MTMR11: variants seen among roughly 807,000 people sequenced by gnomAD.
MTMR11 encodes the protein myotubularin related protein 11, also known as myotubularin-related protein 11.
Under a neutral mutation model 100.0 loss-of-function variants are expected in MTMR11, and 89 were observed. That is an observed-to-expected ratio of 0.89 (90% CI 0.75 to 1.06). The LOEUF (loss-of-function observed/expected upper bound fraction) is 1.06. Among genes scored for constraint, MTMR11 ranks in the 50% least tolerant of loss-of-function variants. The probability of loss-of-function intolerance (pLI) is 0.00; values close to 1 mark genes in which losing one functional copy is unlikely to be tolerated. For synonymous variants in MTMR11, 336 were observed against 326.3 expected (o/e 1.03, Z -0.32); for missense variants, 809 against 873.7 (o/e 0.93, Z 0.93).
chr1:149,930,258 G>A, intron 15 of MTMR11, 107 bp downstream of exon 15: 1 of 1,187,030 alleles, frequency 8.4e-7, no homozygotes, highest in Admixed American at 2.2e-5. Context: ...GAGTAGTGGA[G>A]TAGCTTTCCC....
chr1:149,933,394 G>C lies in MTMR11; in HGVS notation c.985+12C>G, dbSNP rs1002669144. ...GTGAGGGTGAGGGTTAGGGGTCAAAGGTTATTCTCACCAGGCAGGCAGAGG... is the reference window on the plus strand; with the variant it reads ...GTGAGGGTGAGGGTTAGGGGTCAAACGTTATTCTCACCAGGCAGGCAGAGG... On this transcript the variant is annotated intron_variant, in intron 10 of 16. Coordinates refer to ENST00000439741, the MANE Select transcript of MTMR11 (RefSeq NM_001145862.2). 3.1e-6 allele frequency: 5 copies of C among 1,613,960 alleles called. No homozygotes were observed. Among genetic ancestry groups the C allele is most frequent in the South Asian group, 1.1e-5 (1 of 91,080 alleles).
chr1:149,936,324 T>G, intron 1 of MTMR11, 95 bp from the exon 2 acceptor site: 1 of 1,552,394 alleles, frequency 6.4e-7, no homozygotes, highest in East Asian at 2.3e-5. Flanking sequence ...ACTCACACTC[T>G]CGGGGGAAAC....
intron 12 of MTMR11, 72 bp downstream of exon 12, chr1:149,931,872 C>T (rs2092664784): frequency 1.4e-6 from 2 of 1,386,150 alleles, no homozygotes. Context: ...GGTCTCCCTC[C>T]CTGAATGCAA....
intron 13 of MTMR11, 115 bp from the exon 14 acceptor site, chr1:149,931,080 AT>A: frequency 7.4e-7 from 1 of 1,350,398 alleles, no homozygotes; most frequent in Non-Finnish European, 9.9e-7. Flanking sequence ...AAGTCAGGGA[AT>A]GAAAATCTGA....
At chr1:149,930,294 T>C (rs782549926) in intron 15 of MTMR11, 71 bp downstream of exon 15, 40 of 1,443,754 alleles carry the variant, frequency 2.8e-5, no homozygotes, top group Admixed American at 1.9e-4. Context: ...ATTTTGTCTT[T>C]CACTTCTCAC....
rs782147717 is a variant in MTMR11 at position 149,929,251 on chromosome 1, G to T, written c.2008C>A (p.Arg670=). 1 of 1,614,038 alleles carries T rather than the reference G, an allele frequency of 6.2e-7. No individual in the cohort carries two copies. Among genetic ancestry groups the T allele is most frequent in the South Asian group, 1.1e-5 (1 of 91,082 alleles). ...DELSHLQELL[R]KWTPRISPED... is the part of the protein sequence containing the mutation. Reference sequence around the variant, plus strand: ...GGAGATATTCTTGGTGTCCATTTCCGTAATAACTCCTGAAGATGGGATAGC... The same window carrying T: ...GGAGATATTCTTGGTGTCCATTTCCTTAATAACTCCTGAAGATGGGATAGC... Residue 670 remains arginine (R), a synonymous_variant, in exon 17 of 17, where the codon CGG becomes AGG. Transcript: ENST00000439741.
chr1:149,928,832 T>C lies in MTMR11; in HGVS notation c.*297A>G, dbSNP rs2092614712. Reference sequence around the variant, plus strand: ...AGAATGCGATTTCTAGGCCATCTTGTTGGGACTGATGAACAGCATCTCTGA... The same window carrying C: ...AGAATGCGATTTCTAGGCCATCTTGCTGGGACTGATGAACAGCATCTCTGA... On this transcript the variant is annotated 3_prime_UTR_variant, in exon 17 of 17. Transcript: ENST00000439741. The C allele has an allele frequency of 6.3e-7, 1 of 1,589,664 alleles. No homozygotes were observed. Among genetic ancestry groups the C allele is most frequent in the South Asian group, 1.1e-5 (1 of 90,508 alleles).
intron 10 of MTMR11, among the ~76,000 whole-genome samples, chr1:149,932,667 C>T (rs79098307): frequency 0.022 from 3,347 of 152,064 alleles, 135 homozygotes; most frequent in African/African-American, 0.077. Context: ...TCTCACTGGC[C>T]GGGCACGACG....
In MTMR11 at chr1:149,933,867, C is replaced by T; in HGVS notation, c.759G>A (p.Gln253=). 1 of 1,614,126 alleles carries T rather than the reference C, an allele frequency of 6.2e-7. No homozygotes were observed. Among genetic ancestry groups the T allele is most frequent in the Non-Finnish European group, 8.5e-7 (1 of 1,179,958 alleles). ...EVRRAFGHFH[Q]GRGPRLSWHH... is the part of the protein sequence containing the mutation. ...CCATCACACTGACCGGTCCACGGCCCTGATGAAAGTGGCCAAATGCTCTCC... is the reference window on the plus strand; with the variant it reads ...CCATCACACTGACCGGTCCACGGCCTTGATGAAAGTGGCCAAATGCTCTCC... Residue 253 remains glutamine (Q), a synonymous_variant, in exon 8 of 17, where the codon CAG becomes CAA. Coordinates refer to ENST00000439741, the MANE Select transcript of MTMR11 (RefSeq NM_001145862.2).
At chr1:149,934,949 G>A in intron 5 of MTMR11, 37 bp downstream of exon 5, 2 of 1,608,214 alleles carry the variant, frequency 1.2e-6, no homozygotes, top group Non-Finnish European at 1.7e-6. Flanking sequence ...CCAAGGTTCT[G>A]AGGTGAGGAG....
intron 15 of MTMR11, 148 bp downstream of exon 15, chr1:149,930,216 AC>A: frequency 1.2e-6 from 1 of 843,532 alleles, no homozygotes; most frequent in Non-Finnish European, 1.8e-6. Context: ...CTTCCTAGGG[AC>A]ACCCAGGGAC....
chr1:149,936,504 C>G, intron 1 of MTMR11, 78 bp downstream of exon 1: 1 of 1,295,594 alleles, frequency 7.7e-7, no homozygotes, highest in Non-Finnish European at 1.1e-6. Context: ...CCTCTAGAGC[C>G]TTTGCTTCCC....
In MTMR11 at chr1:149,930,804, C is replaced by A; in HGVS notation, c.1452G>T (p.Lys484Asn). The A allele has an allele frequency of 1.3e-6, 2 of 1,575,438 alleles. No homozygotes were observed. Among genetic ancestry groups the A allele is most frequent in the Non-Finnish European group, 1.7e-6 (2 of 1,165,450 alleles). ...FLRNTPWERG[K>N]QSGQLNSYTQ... ...AGAAGTCACTGACCTGTCCGCTCTG[C>A]TTTCCGCGCTCCCAGGGGGTATTTC... The change falls in exon 14 of 17, where the codon AAG becomes AAT. Residue 484 changes from lysine (K) to asparagine (N), a missense_variant. By Grantham distance (94) the Lys-to-Asn change is moderately conservative. Coordinates refer to ENST00000439741, the MANE Select transcript of MTMR11 (RefSeq NM_001145862.2).
chr1:149,934,900 G>C (rs2092703525), intron 5 of MTMR11, 86 bp downstream of exon 5: 64 of 1,477,388 alleles, frequency 4.3e-5, no homozygotes, highest in Non-Finnish European at 5.9e-5. Context: ...GAGGATCCCA[G>C]GGGCTGGAGG....
chr1:149,933,706 TG>T lies in MTMR11; in HGVS notation c.772-9del. On this transcript the variant is annotated splice_polypyrimidine_tract_variant and intron_variant, in intron 8 of 16. Transcript: ENST00000439741. ...GTGATGCCAGGACAAGCGCTTCACA[TG>T]GGGCAGAAGAGGGTCATTGTGGGAG... 6.2e-7 allele frequency: 1 copy of T among 1,614,058 alleles called. No individual in the cohort carries two copies. The highest frequency in any genetic ancestry group is 8.5e-7 in the Non-Finnish European group (1 of 1,179,992).
At position 149,933,486 on chromosome 1, in the gene MTMR11, A is replaced by G. The variant is rs1273747242; in HGVS notation, c.905T>C (p.Leu302Pro). Residue 302 changes from leucine to proline, a missense_variant, in exon 10 of 17, where the codon CTG becomes CCG. By Grantham distance (98) the Leu-to-Pro change is moderately conservative (BLOSUM62 -3). Transcript: ENST00000439741. ...GGGCAGCTCATCCATAGTGTCTACC[A>G]GGACAACATCTGAATGCCCAGCCTG... ...MLQAGHSDVV[L>P]VDTMDELPSL... is the part of the protein sequence containing the mutation. 1 of 1,614,048 alleles carries G rather than the reference A, an allele frequency of 6.2e-7. No homozygotes were observed. The highest frequency in any genetic ancestry group is 8.5e-7 in the Non-Finnish European group (1 of 1,180,008).
intron 3 of MTMR11, 95 bp from the exon 4 acceptor site, chr1:149,935,454 G>A (rs2092710435): frequency 6.3e-7 from 1 of 1,577,746 alleles, no homozygotes; most frequent in Non-Finnish European, 8.7e-7. Context: ...CAACCCTAGA[G>A]AGAGTTCCCA....
In MTMR11 at chr1:149,936,608, G is replaced by A. The variant is rs2092725992; in HGVS notation, c.40C>T (p.Pro14Ser). 1 of 1,542,650 alleles carries A rather than the reference G, an allele frequency of 6.5e-7. No homozygotes were observed. Among genetic ancestry groups the A allele is most frequent in the Admixed American group, 2.0e-5 (1 of 50,644 alleles). Reference protein sequence around the residue: ...GGRGQSFNIAPQKEEPEMGSV... With the variant: ...GGRGQSFNIASQKEEPEMGSV... ...CCCATCTCTGGCTCCTCCTTCTGGG[G>A]GGCAATGTTGAAACTCTGGCCCCGG... Residue 14 changes from proline to serine, a missense_variant, in exon 1 of 17, where the codon CCC (proline) becomes TCC (serine). Pro to Ser is a moderately conservative substitution (Grantham distance 74). Coordinates refer to ENST00000439741, the MANE Select transcript of MTMR11 (RefSeq NM_001145862.2).
Position 149,934,259 on chromosome 1 carries a change from C to A in MTMR11, c.615G>T (p.Glu205Asp). The change falls in exon 7 of 17, where the codon GAG (glutamate) becomes GAT (aspartate). Residue 205 changes from glutamate (E) to aspartate (D), a missense_variant. By Grantham distance (45) the Glu-to-Asp change is conservative (BLOSUM62 2). Transcript: ENST00000439741. The stretch of plus-strand genomic sequence containing the variant: ...AGCCTCTGGCTGCCTGCTTCTTCCG[C>A]TCAGTCTCCCAGTCTTCCGCTGTCT... ...LMETAEDWET[E>D]RKKQAARGWR... 6.2e-7 allele frequency: 1 copy of A among 1,614,204 alleles called. No homozygotes were observed. The highest frequency in any genetic ancestry group is 8.5e-7 in the Non-Finnish European group (1 of 1,180,038).
Sources: allele counts gnomAD v4.1 joint callset (sites outside exome capture counted in the v4.1 genomes callset), GRCh38; gene constraint gnomAD v4.1.1; transcripts MANE v1.5; gene names NCBI Gene and HGNC (gene_info 2026-07-23, HGNC 2026-07-21).